Variants in TSPAN9 observed in about 807,000 individuals in gnomAD.
The protein encoded by TSPAN9 is tetraspanin-9.
Under a neutral mutation model 31.0 loss-of-function variants are expected in TSPAN9, and 16 were observed. The observed-to-expected ratio is 0.52, with a 90% CI of 0.35 to 0.78. The LOEUF is 0.78. Ranked by LOEUF, TSPAN9 falls within the 30% of genes least tolerant of loss-of-function variation. The probability of loss-of-function intolerance (pLI) is 0.01; values close to 1 mark genes in which losing one functional copy is unlikely to be tolerated. For synonymous variants in TSPAN9, 145 were observed against 121.6 expected (o/e 1.19, Z -1.27); for missense variants, 272 against 312.5 (o/e 0.87, Z 0.98).
chr12:3,250,872 G>T (rs1212197616), intron 3 of TSPAN9, among the ~76,000 whole-genome samples: 1 of 152,234 alleles, frequency 6.6e-6, no homozygotes, highest in Non-Finnish European at 1.5e-5. Flanking sequence ...CCTGAGGAAG[G>T]GCCTCGGGCC....
rs575082616 is a variant in TSPAN9 at position 3,080,451 on chromosome 12, C to T, written c.-85+2998C>T. Among the ~76,000 whole-genome samples, 467 of 152,262 alleles carry T rather than the reference C, an allele frequency of 3.1e-3. 1 individual carries two copies. The highest frequency in any genetic ancestry group is 5.2e-3 in the Non-Finnish European group (351 of 68,028). On this transcript the variant is annotated intron_variant, in intron 1 of 8. Coordinates refer to ENST00000011898, the MANE Select transcript of TSPAN9 (RefSeq NM_006675.5). ...CCCGGGTTCAAGCAATTCTCTGCCT[C>T]AGCCTCCCCAGTAGCTGGGACTACA... is the stretch of plus-strand genomic sequence containing the variant.
intron 3 of TSPAN9, among the ~76,000 whole-genome samples, chr12:3,270,375 C>T (rs1452953329): frequency 6.6e-6 from 1 of 152,176 alleles, no homozygotes; most frequent in Non-Finnish European, 1.5e-5. Context: ...TGCCCCCATC[C>T]CTCCCCTTCT....
intron 2 of TSPAN9, among the ~76,000 whole-genome samples, chr12:3,124,123 G>C (rs1156518131): frequency 1.3e-5 from 2 of 152,222 alleles, no homozygotes; most frequent in East Asian, 3.8e-4. Context: ...AAACAGAAGT[G>C]AGAAATTCCT....
At chr12:3,109,146 C>T (rs777076860) in intron 2 of TSPAN9, among the ~76,000 whole-genome samples, 1 of 151,870 alleles carries the variant, frequency 6.6e-6, no homozygotes, top group Non-Finnish European at 1.5e-5. Context: ...CCGTGTTAGC[C>T]AGGATGGTCT....
intron 3 of TSPAN9, among the ~76,000 whole-genome samples, chr12:3,203,150 C>G (rs190862617): frequency 9.9e-5 from 15 of 152,260 alleles, no homozygotes; most frequent in African/African-American, 3.4e-4. Context: ...TCCTCCCCAC[C>G]CCCACCCTGC....
At chr12:3,112,950 T>C (rs1170838374) in intron 2 of TSPAN9, among the ~76,000 whole-genome samples, 1 of 152,118 alleles carries the variant, frequency 6.6e-6, no homozygotes, top group East Asian at 1.9e-4. Context: ...ACTCCTAAAG[T>C]GTGGATATTA....
At chr12:3,252,345 A>T (rs1169652013) in intron 3 of TSPAN9, among the ~76,000 whole-genome samples, 2 of 152,190 alleles carry the variant, frequency 1.3e-5, no homozygotes, top group Non-Finnish European at 2.9e-5. Flanking sequence ...GATGGCAGCG[A>T]GATGGGGAAG....
In TSPAN9 at chr12:3,118,161, AC is replaced by A. The variant is rs374901459; in HGVS notation, c.-18+34449del. Among the ~76,000 whole-genome samples the A allele has an allele frequency of 3.3e-3, 457 of 139,710 alleles. 4 individuals are homozygous for A. The South Asian group carries it at 0.043, about 13-fold the overall frequency. The allele number at this position is 139,710 out of a possible 152,430, so 91.7% of individuals were successfully genotyped here. A position where few individuals can be genotyped will look rare whatever the true frequency, so the allele number is the denominator to read the frequency against. ...TGAGTTGATACGTGAAGCATGTAGA[AC>A]CCCCCCGGCATGTAGAAAATCCTCA... On this transcript the variant is annotated intron_variant, in intron 2 of 8. Transcript: ENST00000011898.
chr12:3,152,341 G>C (rs2098340213), intron 2 of TSPAN9, among the ~76,000 whole-genome samples: 1 of 152,214 alleles, frequency 6.6e-6, no homozygotes, highest in Non-Finnish European at 1.5e-5. Flanking sequence ...CTGATGCCAG[G>C]GTGGGCTGGG....
intron 2 of TSPAN9, among the ~76,000 whole-genome samples, chr12:3,144,949 T>A (rs747632868): frequency 1.3e-5 from 2 of 152,270 alleles, no homozygotes; most frequent in African/African-American, 4.8e-5. Flanking sequence ...GAGGATAATC[T>A]GATCATCAAA....
At chr12:3,210,961 G>T (rs1217071340) in intron 3 of TSPAN9, among the ~76,000 whole-genome samples, 2 of 152,042 alleles carry the variant, frequency 1.3e-5, no homozygotes, top group East Asian at 3.9e-4. Context: ...GTCCAGGCTG[G>T]TCTCAACCTC....
At chr12:3,230,586 A>ACTTCGGAGTGTGGTCTTC (rs1307626655) in intron 3 of TSPAN9, among the ~76,000 whole-genome samples, 1 of 152,016 alleles carries the variant, frequency 6.6e-6, no homozygotes. Context: ...GCTCTTCAAC[A>ACTTCGGAGTGTGGTCTTC]CTTCGGAGTG....
chr12:3,229,292 T>C (rs1445301033), intron 3 of TSPAN9, among the ~76,000 whole-genome samples: 1 of 152,164 alleles, frequency 6.6e-6, no homozygotes, highest in Non-Finnish European at 1.5e-5. Flanking sequence ...GCAAATAGAA[T>C]CAAGAAGATG....
At chr12:3,201,846 G>A (rs780513999) in intron 3 of TSPAN9, among the ~76,000 whole-genome samples, 1 of 152,208 alleles carries the variant, frequency 6.6e-6, no homozygotes, top group Non-Finnish European at 1.5e-5. Context: ...ATATGCTCCC[G>A]AGTTGGGGCC....
At chr12:3,167,962 A>C (rs2098349444) in intron 2 of TSPAN9, among the ~76,000 whole-genome samples, 1 of 152,188 alleles carries the variant, frequency 6.6e-6, no homozygotes, top group Non-Finnish European at 1.5e-5. Flanking sequence ...CTTATTCTGC[A>C]GGGTCAGGTC....
At chr12:3,184,662 C>G (rs563958463) in intron 2 of TSPAN9, among the ~76,000 whole-genome samples, 35 of 152,238 alleles carry the variant, frequency 2.3e-4, no homozygotes, top group Non-Finnish European at 4.3e-4. Context: ...GCGATTAGAG[C>G]CACGGGATGC....
chr12:3,256,295 G>A (rs569272873), intron 3 of TSPAN9, among the ~76,000 whole-genome samples: 17 of 152,334 alleles, frequency 1.1e-4, no homozygotes, highest in African/African-American at 3.8e-4. Context: ...TGGAAAGGCC[G>A]GGCCCCGCTG....
At chr12:3,266,082 C>T (rs1050251277) in intron 3 of TSPAN9, among the ~76,000 whole-genome samples, 2 of 152,168 alleles carry the variant, frequency 1.3e-5, no homozygotes, top group Non-Finnish European at 2.9e-5. Flanking sequence ...TCCTCCTCGG[C>T]TACAAGGAGC....
At chr12:3,275,826 C>T (rs1277628267) in intron 3 of TSPAN9, among the ~76,000 whole-genome samples, 3 of 152,140 alleles carry the variant, frequency 2.0e-5, no homozygotes, top group Admixed American at 1.3e-4. Flanking sequence ...GTAAATCATT[C>T]GGACCCCCCT....
Sources: allele counts gnomAD v4.1 joint callset (sites outside exome capture counted in the v4.1 genomes callset), GRCh38; gene constraint gnomAD v4.1.1; transcripts MANE v1.5; gene names NCBI Gene and HGNC (gene_info 2026-07-23, HGNC 2026-07-21).